The following SLC25A48 variants were observed in gnomAD, a reference collection of about 807,000 sequenced individuals.
SLC25A48 encodes the protein CTC-321K16.1.
A neutral mutation model predicts 32.2 loss-of-function variants in SLC25A48; 29 were observed. The observed-to-expected ratio is 0.90, with a 90% CI of 0.67 to 1.23. SLC25A48 has a LOEUF of 1.23. Ranked by LOEUF, SLC25A48 falls within the 50% of genes most tolerant of loss-of-function variation. SLC25A48 has a pLI of 0.00. For synonymous variants in SLC25A48, 164 were observed against 172.3 expected, an observed-to-expected ratio of 0.95 and a Z score of 0.38; for missense variants, 399 against 422.7, an observed-to-expected ratio of 0.94 and a Z score of 0.49.
chr5:135,753,906 A>G (rs142887934), intron 3 of SLC25A48, among the ~76,000 whole-genome samples: 1 of 152,062 alleles, frequency 6.6e-6, no homozygotes, highest in African/African-American at 2.4e-5. Flanking sequence ...CTTATGCATG[A>G]TATCTCAGGG....
At chr5:135,593,268 T>A (rs1045673751) in intron 1 of SLC25A48, among the ~76,000 whole-genome samples, 2 of 152,172 alleles carry the variant, frequency 1.3e-5, no homozygotes, top group African/African-American at 4.8e-5. Flanking sequence ...TCTTGGAATC[T>A]GTAGGGCTAT....
intron 3 of SLC25A48, among the ~76,000 whole-genome samples, chr5:135,719,235 A>G (rs1754888376): frequency 6.6e-6 from 1 of 152,198 alleles, no homozygotes; most frequent in South Asian, 2.1e-4. Context: ...TACATTTTAC[A>G]AATCCGGGAT....
At position 135,631,478 on chromosome 5, in the gene SLC25A48, T is replaced by C. The variant is rs375429224; in HGVS notation, c.-709+2102T>C. 9.8e-5 allele frequency among the ~76,000 whole-genome samples: 15 copies of C among 152,330 alleles called. No homozygotes were observed. The East Asian group carries it at 2.3e-3, about 24-fold the overall frequency. On this transcript the variant is annotated intron_variant, in intron 2 of 10. Coordinates refer to the SLC25A48 transcript ENST00000646290. ...CCCATCTGTTTGGCAGCTCAAGAAT[T>C]GCTCTGTGCAACTGGCAGTATAATA... is the stretch of plus-strand genomic sequence containing the variant.
intron 3 of SLC25A48, among the ~76,000 whole-genome samples, chr5:135,805,551 G>A (rs764891457): frequency 1.1e-4 from 17 of 151,378 alleles, no homozygotes; most frequent in Non-Finnish European, 2.1e-4. Context: ...TGTGATATTA[G>A]TTATAACATC....
chr5:135,671,316 T>C (rs979925929), intron 3 of SLC25A48, among the ~76,000 whole-genome samples: 39 of 152,344 alleles, frequency 2.6e-4, no homozygotes, highest in African/African-American at 8.9e-4. Flanking sequence ...TTTTCCTTTA[T>C]GTAGCAGGCT....
chr5:135,836,421 G>A (rs971952790), intron 1 of SLC25A48, among the ~76,000 whole-genome samples: 8 of 151,466 alleles, frequency 5.3e-5, no homozygotes, highest in Non-Finnish European at 1.0e-4. Context: ...ATACTTACTA[G>A]GTGCCAGGTA....
chr5:135,790,119 T>C (rs1259717151), intron 3 of SLC25A48, among the ~76,000 whole-genome samples: 1 of 151,580 alleles, frequency 6.6e-6, no homozygotes, highest in Non-Finnish European at 1.5e-5. Context: ...ATGAATGATA[T>C]CTATTATTAT....
At chr5:135,769,191 G>A (rs1756331673) in intron 3 of SLC25A48, among the ~76,000 whole-genome samples, 2 of 139,464 alleles carry the variant, frequency 1.4e-5, no homozygotes, top group East Asian at 2.2e-4. Flanking sequence ...TATTTATGGG[G>A]GGAAAGGAAA....
upstream of SLC25A48, chr5:135,834,570 G>A: frequency 2.3e-6 from 1 of 443,352 alleles, no homozygotes; most frequent in East Asian, 3.4e-5. Flanking sequence ...GCCTCTTTGT[G>A]TCTGGGATGA....
At chr5:135,758,807 C>G (rs1269288282) in intron 3 of SLC25A48, among the ~76,000 whole-genome samples, 1 of 150,450 alleles carries the variant, frequency 6.6e-6, no homozygotes, top group Non-Finnish European at 1.5e-5. Flanking sequence ...TGAATAATAT[C>G]TAGTGTTAAC....
At chr5:135,618,767 T>A (rs1752249180) in intron 1 of SLC25A48, among the ~76,000 whole-genome samples, 1 of 152,106 alleles carries the variant, frequency 6.6e-6, no homozygotes, top group Non-Finnish European at 1.5e-5. Context: ...TTTCTGGGTA[T>A]AGTATACTTG....
At chr5:135,597,541 G>A (rs568923173) in intron 1 of SLC25A48, among the ~76,000 whole-genome samples, 3 of 152,330 alleles carry the variant, frequency 2.0e-5, no homozygotes, top group Admixed American at 1.3e-4. Flanking sequence ...CAGCTGCAAA[G>A]GACCCTGCTT....
intron 4 of SLC25A48, among the ~76,000 whole-genome samples, chr5:135,858,853 G>T (rs1010301716): frequency 6.6e-6 from 1 of 152,192 alleles, no homozygotes; most frequent in Admixed American, 6.5e-5. Context: ...CAAGGGTTGG[G>T]TGTGAATTCT....
intron 1 of SLC25A48, among the ~76,000 whole-genome samples, chr5:135,593,254 T>G (rs572037297): frequency 6.6e-6 from 1 of 152,292 alleles, no homozygotes. Flanking sequence ...CCAGGACTTC[T>G]TGATCTTGGA....
chr5:135,597,664 A>T (rs1040523555), intron 1 of SLC25A48, among the ~76,000 whole-genome samples: 1 of 152,238 alleles, frequency 6.6e-6, no homozygotes, highest in Non-Finnish European at 1.5e-5. Flanking sequence ...CCTAAGCTTT[A>T]GCTACAAAAG....
chr5:135,676,692 A>G (rs1362154703), intron 3 of SLC25A48, among the ~76,000 whole-genome samples: 1 of 151,866 alleles, frequency 6.6e-6, no homozygotes, highest in Admixed American at 6.6e-5. Context: ...AAATTATTTG[A>G]CTTTCTTCTT....
chr5:135,634,481 G>C (rs764794018), intron 2 of SLC25A48, among the ~76,000 whole-genome samples: 3 of 152,230 alleles, frequency 2.0e-5, no homozygotes, highest in Non-Finnish European at 4.4e-5. Flanking sequence ...AAGGACACTA[G>C]AGAAAGAGAA....
chr5:135,696,047 A>T (rs1754259498), intron 3 of SLC25A48, among the ~76,000 whole-genome samples: 2 of 152,120 alleles, frequency 1.3e-5, no homozygotes, highest in African/African-American at 4.8e-5. Context: ...CAGTGTCATC[A>T]CCCACAAATG....
At position 135,667,483 on chromosome 5, in the gene SLC25A48, A is replaced by T. The variant is rs183031801; in HGVS notation, c.-521+32527A>T. ...GAGCTATGGGCTCATGTGCTAAGCC[A>T]GCTGCGTCCACCAATAATAATCCTT... On this transcript the variant is annotated intron_variant, in intron 3 of 10. Coordinates refer to the SLC25A48 transcript ENST00000646290. Among the ~76,000 whole-genome samples, 545 of 152,340 alleles carry T rather than the reference A, an allele frequency of 3.6e-3. 3 individuals are homozygous for T. Among genetic ancestry groups the T allele is most frequent in the African/African-American group, 0.012 (499 of 41,574 alleles).
Sources: gnomAD v4.1 joint callset for allele counts (sites outside exome capture counted in the v4.1 genomes callset) on GRCh38, gnomAD v4.1.1 for gene constraint, MANE v1.5 for transcripts, NCBI Gene and HGNC (gene_info 2026-07-23, HGNC 2026-07-21) for gene names.